NOS1AP: variants seen among roughly 807,000 people sequenced by gnomAD.
The protein encoded by NOS1AP is nitric oxide synthase 1 adaptor protein, also known as carboxyl-terminal PDZ ligand of neuronal nitric oxide synthase protein.
NOS1AP carries 21 observed loss-of-function variants against 56.2 expected under a neutral mutation model. The ratio of observed to expected loss-of-function variants is 0.37; its 90% confidence interval spans 0.26 to 0.54. NOS1AP has a LOEUF of 0.54. NOS1AP is among the 20% of genes least tolerant of loss of function. The probability of loss-of-function intolerance (pLI) is 0.84; values close to 1 mark genes in which losing one functional copy is unlikely to be tolerated. For missense variants in NOS1AP, 522 were observed against 657.8 expected (o/e 0.79, Z 2.26); for synonymous variants, 270 against 274.6 (o/e 0.98, Z 0.17).
At chr1:162,326,930 C>T (rs1656609116) in intron 4 of NOS1AP, among the ~76,000 whole-genome samples, 1 of 152,092 alleles carries the variant, frequency 6.6e-6, no homozygotes, top group Non-Finnish European at 1.5e-5. Flanking sequence ...AGTCAGGCCC[C>T]AAAAATGTGA....
chr1:162,182,954 C>T (rs886799500), intron 2 of NOS1AP, among the ~76,000 whole-genome samples: 2 of 152,228 alleles, frequency 1.3e-5, no homozygotes, highest in Non-Finnish European at 2.9e-5. Flanking sequence ...TTCCATGAAT[C>T]ATGAATGTTC....
At chr1:162,269,747 A>G (rs1376814727) in intron 2 of NOS1AP, among the ~76,000 whole-genome samples, 1 of 152,206 alleles carries the variant, frequency 6.6e-6, no homozygotes, top group Non-Finnish European at 1.5e-5. Flanking sequence ...CCAAAGGGCT[A>G]TACTATAGAT....
intron 1 of NOS1AP, among the ~76,000 whole-genome samples, chr1:162,139,994 A>G (rs140276962): frequency 1.3e-5 from 2 of 151,932 alleles, no homozygotes; most frequent in Non-Finnish European, 2.9e-5. Flanking sequence ...CACGCAGCTA[A>G]TTTTTTGTAT....
At chr1:162,268,451 T>A (rs957998191) in intron 2 of NOS1AP, among the ~76,000 whole-genome samples, 9 of 152,186 alleles carry the variant, frequency 5.9e-5, no homozygotes, top group African/African-American at 2.2e-4. Context: ...GATCACTTTA[T>A]AACAAAGCTC....
At chr1:162,128,815 A>T (rs1648612836) in intron 1 of NOS1AP, among the ~76,000 whole-genome samples, 1 of 152,186 alleles carries the variant, frequency 6.6e-6, no homozygotes, top group South Asian at 2.1e-4. Flanking sequence ...TGAAGAAATC[A>T]GTTTAAAATG....
rs185457900 is a variant in NOS1AP at position 162,318,688 on chromosome 1, T to C, written c.345-14329T>C. Among the ~76,000 whole-genome samples, 7 of 152,206 alleles carry C rather than the reference T, an allele frequency of 4.6e-5. No homozygotes were observed. In the East Asian group the frequency reaches 7.7e-4, roughly 17 times the overall value. ...TCCTCAGGGGATGTCGTATTTCCTATGGCTTCAACCACCCTCTAAATCCCA... is the reference window on the plus strand; with the variant it reads ...TCCTCAGGGGATGTCGTATTTCCTACGGCTTCAACCACCCTCTAAATCCCA... On this transcript the variant is annotated intron_variant, in intron 4 of 9. Transcript: ENST00000361897.
intron 4 of NOS1AP, among the ~76,000 whole-genome samples, chr1:162,319,987 C>G (rs2101778972): frequency 6.6e-6 from 1 of 152,318 alleles, no homozygotes; most frequent in Admixed American, 6.5e-5. Context: ...TGTGCCTTCC[C>G]AGTTCCCACA....
At chr1:162,198,306 G>A (rs1278847849) in intron 2 of NOS1AP, among the ~76,000 whole-genome samples, 1 of 152,196 alleles carries the variant, frequency 6.6e-6, no homozygotes, top group East Asian at 1.9e-4. Flanking sequence ...TGGAGGTGCT[G>A]AGGTTTAAAC....
At chr1:162,177,289 GA>G (rs1651097312) in intron 2 of NOS1AP, among the ~76,000 whole-genome samples, 1 of 152,186 alleles carries the variant, frequency 6.6e-6, no homozygotes, top group African/African-American at 2.4e-5. Context: ...CCTGATTCCT[GA>G]AAGCAGTTTT....
intron 5 of NOS1AP, among the ~76,000 whole-genome samples, chr1:162,333,722 G>A (rs189026051): frequency 1.1e-4 from 17 of 152,186 alleles, no homozygotes; most frequent in East Asian, 5.8e-4. Context: ...AGGTCCCAGC[G>A]TTCTCATCTA....
At chr1:162,162,320 A>C (rs949933436) in intron 2 of NOS1AP, among the ~76,000 whole-genome samples, 2 of 152,246 alleles carry the variant, frequency 1.3e-5, no homozygotes, top group African/African-American at 2.4e-5. Flanking sequence ...TTATGAATCA[A>C]GATTTTTGCG....
At chr1:162,252,315 G>T (rs1418077099) in intron 2 of NOS1AP, among the ~76,000 whole-genome samples, 2 of 152,258 alleles carry the variant, frequency 1.3e-5, no homozygotes, top group East Asian at 3.9e-4. Context: ...CCAACATGCT[G>T]GCTGGGATTA....
chr1:162,245,878 G>A (rs17459307), intron 2 of NOS1AP, among the ~76,000 whole-genome samples: 6,758 of 152,310 alleles, frequency 0.044, 195 homozygotes, highest in South Asian at 0.072. Flanking sequence ...AATGATGATA[G>A]CTTATGATGG....
chr1:162,262,344 T>TA (rs1553200166), intron 2 of NOS1AP, among the ~76,000 whole-genome samples: 1 of 152,230 alleles, frequency 6.6e-6, no homozygotes, highest in Non-Finnish European at 1.5e-5. Flanking sequence ...TTTCATTGAC[T>TA]ATAGCAAAGA....
intron 1 of NOS1AP, among the ~76,000 whole-genome samples, chr1:162,107,217 G>A (rs2102036968): frequency 6.6e-6 from 1 of 152,228 alleles, no homozygotes; most frequent in East Asian, 1.9e-4. Flanking sequence ...TAAACCATAA[G>A]AGAATAATAA....
chr1:162,171,367 C>G (rs1043663962), intron 2 of NOS1AP, among the ~76,000 whole-genome samples: 1 of 152,138 alleles, frequency 6.6e-6, no homozygotes, highest in African/African-American at 2.4e-5. Flanking sequence ...TTTCTCTCCC[C>G]TTGCTGTTAT....
In NOS1AP at chr1:162,105,929, C is replaced by T. The variant is rs12076589; in HGVS notation, c.105+35647C>T. ...GAAAGTGGGGCCCGAAGAATGATGC[C>T]AGTTGGCCCCTGACTCAGCCCCCTT... is the stretch of plus-strand genomic sequence containing the variant. On this transcript the variant is annotated intron_variant, in intron 1 of 9. Coordinates refer to ENST00000361897, the MANE Select transcript of NOS1AP (RefSeq NM_014697.3). Among the ~76,000 whole-genome samples, 224 of 152,296 alleles carry T rather than the reference C, an allele frequency of 1.5e-3. 1 individual carries two copies. The highest frequency in any genetic ancestry group is 5.3e-3 in the African/African-American group (220 of 41,572).
rs75144764 is a variant in NOS1AP, at chr1:162,317,923, C to T, written c.345-15094C>T. The T allele has an allele frequency of 7.7e-3, 1,180 of 152,326 alleles. 10 individuals are homozygous for T. Among genetic ancestry groups the T allele is most frequent in the Non-Finnish European group, 0.013 (877 of 68,074 alleles). The allele number at this position is 152,326 out of a possible 1,614,324, so 9.4% of individuals were successfully genotyped here. The stretch of plus-strand genomic sequence containing the variant: ...ACCAGCCCCACTCCTACTTCCACAT[C>T]AAAACGGCATTAGCTCTCTCGCAGG... On this transcript the variant is annotated intron_variant, in intron 4 of 9. Transcript: ENST00000361897.
At chr1:162,174,538 A>G (rs546632820) in intron 2 of NOS1AP, among the ~76,000 whole-genome samples, 4 of 152,206 alleles carry the variant, frequency 2.6e-5, no homozygotes, top group Non-Finnish European at 5.9e-5. Flanking sequence ...GTGCACATGT[A>G]CCCTAAAACT....
Sources: allele counts gnomAD v4.1 joint callset (sites outside exome capture counted in the v4.1 genomes callset), GRCh38; gene constraint gnomAD v4.1.1; transcripts MANE v1.5; gene names NCBI Gene and HGNC (gene_info 2026-07-23, HGNC 2026-07-21).